The following PEPD variants were observed in gnomAD, a reference collection of about 807,000 sequenced individuals.
PEPD encodes peptidase D.
Under a neutral mutation model 60.7 loss-of-function variants are expected in PEPD, and 53 were observed. That is an observed-to-expected ratio of 0.87 (90% CI 0.70 to 1.10). The LOEUF is 1.10. Among genes scored for constraint, PEPD ranks in the 50% least tolerant of loss-of-function variants. The pLI is 0.00. For missense variants in PEPD, 711 were observed against 711.9 expected (o/e 1.00, Z 0.01); for synonymous variants, 267 against 284.1 (o/e 0.94, Z 0.60).
chr19:33,495,847 G>A (rs1306872266), intron 4 of PEPD, among the ~76,000 whole-genome samples: 1 of 152,124 alleles, frequency 6.6e-6, no homozygotes, highest in Non-Finnish European at 1.5e-5. Context: ...AATTAGCCGG[G>A]CTTGGTGACT....
chr19:33,488,180 G>A (rs1025870923), intron 6 of PEPD, among the ~76,000 whole-genome samples: 16 of 152,236 alleles, frequency 1.1e-4, no homozygotes, highest in Middle Eastern at 3.4e-3. Context: ...TGATCCTGGA[G>A]CCCACCTGGC....
chr19:33,404,267 G>T (rs1045655465), intron 11 of PEPD, among the ~76,000 whole-genome samples: 1 of 152,146 alleles, frequency 6.6e-6, no homozygotes, highest in Admixed American at 6.5e-5. Context: ...AAGAAAAATG[G>T]TTTGTGGTTT....
intron 11 of PEPD, among the ~76,000 whole-genome samples, 174 bp downstream of exon 11, chr19:33,411,498 G>C (rs1402890244): frequency 6.6e-6 from 1 of 152,190 alleles, no homozygotes; most frequent in Non-Finnish European, 1.5e-5. Context: ...CCCTGGAGAA[G>C]GCACCACGCA....
At chr19:33,417,859 C>T (rs1200885979) in intron 9 of PEPD, among the ~76,000 whole-genome samples, 1 of 152,230 alleles carries the variant, frequency 6.6e-6, no homozygotes, top group East Asian at 1.9e-4. Context: ...CCCACTCCCG[C>T]ACCCTCCAGG....
intron 4 of PEPD, among the ~76,000 whole-genome samples, chr19:33,496,394 T>A (rs1970603961): frequency 6.6e-6 from 1 of 152,160 alleles, no homozygotes; most frequent in African/African-American, 2.4e-5. Flanking sequence ...CTCCTAGTCC[T>A]GGCAGGGCAA....
chr19:33,485,375 C>T (rs1377944647), intron 6 of PEPD, among the ~76,000 whole-genome samples: 1 of 151,920 alleles, frequency 6.6e-6, no homozygotes, highest in Admixed American at 6.6e-5. Context: ...CACCTGTAAT[C>T]CCAGCTACCT....
chr19:33,388,200 G>A (rs776988166), intron 13 of PEPD, 119 bp from the exon 14 acceptor site: 50 of 864,450 alleles, frequency 5.8e-5, no homozygotes, highest in Non-Finnish European at 9.0e-5. Flanking sequence ...GACCATTGGG[G>A]TCCTCAGCCT....
At chr19:33,388,303 A>G (rs1568443137) in intron 13 of PEPD, 1 of 679,050 alleles carries the variant, frequency 1.5e-6, no homozygotes, top group Middle Eastern at 2.3e-4. Context: ...TGGCCACACT[A>G]CCCTAGGGCT....
At chr19:33,514,023 T>TA (rs1264463434) in intron 1 of PEPD, among the ~76,000 whole-genome samples, 1 of 151,518 alleles carries the variant, frequency 6.6e-6, no homozygotes, top group Non-Finnish European at 1.5e-5. Context: ...AGGTAACATG[T>TA]AAGCTCCCTG....
chr19:33,495,536 G>A (rs376240373), intron 4 of PEPD, among the ~76,000 whole-genome samples: 3 of 151,794 alleles, frequency 2.0e-5, no homozygotes, highest in African/African-American at 7.3e-5. Context: ...CTTTAAAACT[G>A]TTGGGTCAAA....
intron 3 of PEPD, among the ~76,000 whole-genome samples, chr19:33,506,511 C>T (rs369643339): frequency 4.0e-5 from 6 of 148,170 alleles, no homozygotes; most frequent in East Asian, 4.1e-4. Flanking sequence ...CACACCCATA[C>T]ACACCCTCAC....
In PEPD at chr19:33,402,468, G is replaced by A. The variant is rs142240124; in HGVS notation, c.819-599C>T. ...GCATCTGGGCAGACACTCAGTCGGC[G>A]GCTAGGGCCTCTGGCTCTGCTGCAG... On this transcript the variant is annotated intron_variant, in intron 11 of 14. Transcript: ENST00000244137. 9.6e-3 allele frequency among the ~76,000 whole-genome samples: 1,456 copies of A among 152,332 alleles called. 34 individuals are homozygous for A. The highest frequency in any genetic ancestry group is 0.034 in the African/African-American group (1,406 of 41,576).
At chr19:33,464,799 T>C (rs1420724728) in intron 7 of PEPD, among the ~76,000 whole-genome samples, 1 of 152,116 alleles carries the variant, frequency 6.6e-6, no homozygotes, top group African/African-American at 2.4e-5. Context: ...TTTGCCCAAA[T>C]GTGGTTAGGT....
At chr19:33,504,978 C>T (rs773841336) in intron 3 of PEPD, among the ~76,000 whole-genome samples, 39 of 152,096 alleles carry the variant, frequency 2.6e-4, no homozygotes, top group Admixed American at 6.5e-5. Flanking sequence ...TCCCAGTCCC[C>T]GGAGTCAAAG....
chr19:33,387,637 C>A (rs1968107454), intron 14 of PEPD, 156 bp from the exon 15 acceptor site: 4 of 945,728 alleles, frequency 4.2e-6, no homozygotes, highest in Admixed American at 3.9e-5. Flanking sequence ...GAGCCATCTG[C>A]CCATGTCACC....
chr19:33,512,410 G>A (rs1485668554), intron 2 of PEPD, among the ~76,000 whole-genome samples, 183 bp downstream of exon 2: 1 of 152,138 alleles, frequency 6.6e-6, no homozygotes, highest in South Asian at 2.1e-4. Context: ...TGGGCCACCC[G>A]CTGCCCCACA....
At chr19:33,428,133 G>A (rs951194251) in intron 9 of PEPD, among the ~76,000 whole-genome samples, 2 of 152,086 alleles carry the variant, frequency 1.3e-5, no homozygotes, top group Non-Finnish European at 2.9e-5. Flanking sequence ...GACTTTACTC[G>A]CCAGCCTGCA....
rs576309008 is a variant in PEPD, at chr19:33,490,013, G to C, written c.486C>G (p.Ser162=). Residue 162 remains serine (S), a synonymous_variant, in exon 6 of 15, where the codon TCC becomes TCG. Coordinates refer to ENST00000244137, the MANE Select transcript of PEPD (RefSeq NM_000285.4). ...TDSGSVCREA[S]FDGISKFEVN... ...GGACTCACTTGCTGATGCCGTCAAA[G>C]GAGGCCTCCCTGCAGACACTGCCGC... The C allele has an allele frequency of 4.3e-5, 69 of 1,609,870 alleles. No individual in the cohort carries two copies. The East Asian group carries it at 1.5e-3, about 34-fold the overall frequency.
intron 7 of PEPD, among the ~76,000 whole-genome samples, chr19:33,464,551 T>C (rs542603982): frequency 3.3e-5 from 5 of 151,978 alleles, no homozygotes; most frequent in Non-Finnish European, 7.4e-5. Context: ...CAGGGTCAGG[T>C]GAAGGGACAG....
Sources: gnomAD v4.1 joint callset for allele counts (sites outside exome capture counted in the v4.1 genomes callset) on GRCh38, gnomAD v4.1.1 for gene constraint, MANE v1.5 for transcripts, NCBI Gene and HGNC (gene_info 2026-07-23, HGNC 2026-07-21) for gene names.